The following POTEM variants were observed in gnomAD, a reference collection of about 807,000 sequenced individuals.
POTEM encodes POTE ankyrin domain family member M.
For missense variants in POTEM, 24 were observed against 343.0 expected, an observed-to-expected ratio of 0.07 and a Z score of 7.35; for synonymous variants, 8 against 113.2, an observed-to-expected ratio of 0.07 and a Z score of 5.90.
chr14:18,988,182 A>AT, intron 8 of POTEM, 73 bp from the exon 9 acceptor site: 1 of 418,778 alleles, frequency 2.4e-6, no homozygotes, highest in Non-Finnish European at 4.1e-6. Flanking sequence ...TGGTCAAGTG[A>AT]TAAAATCAAT....
At chr14:18,969,530 TGC>T (rs1890861828) in intron 1 of POTEM, among the ~76,000 whole-genome samples, 1 of 58,048 alleles carries the variant, frequency 1.7e-5, no homozygotes, top group Non-Finnish European at 3.1e-5. Flanking sequence ...TACAGGCGCC[TGC>T]CACCACGCCT....
At chr14:18,995,118 T>C (rs1477335897) in intron 9 of POTEM, among the ~76,000 whole-genome samples, 1 of 70,902 alleles carries the variant, frequency 1.4e-5, no homozygotes, top group African/African-American at 7.1e-5. Context: ...TTTCTTCCCA[T>C]TGTGTAGGTT....
intron 6 of POTEM, among the ~76,000 whole-genome samples, chr14:18,983,576 TCTTC>T (rs1891132383): frequency 3.4e-5 from 1 of 29,182 alleles, no homozygotes; most frequent in African/African-American, 2.0e-4. Context: ...ATTTTTGTGT[TCTTC>T]CTTTAAACAA....
intron 1 of POTEM, among the ~76,000 whole-genome samples, chr14:18,969,317 GTA>G (rs796722398): frequency 0.21 from 17,029 of 81,970 alleles, 467 homozygotes; most frequent in African/African-American, 0.3. Flanking sequence ...GTATATATAT[GTA>G]TATATATATA....
chr14:18,991,111 T>C (rs1891240514), intron 9 of POTEM, among the ~76,000 whole-genome samples: 1 of 127,814 alleles, frequency 7.8e-6, no homozygotes, highest in Non-Finnish European at 1.8e-5. Flanking sequence ...CTCAAACTCC[T>C]GATGTCAGGT....
In POTEM at chr14:18,985,903, CAAAAAA is replaced by C. The variant is rs1162516671; in HGVS notation, c.1197+443_1197+448del. 5.2e-4 allele frequency among the ~76,000 whole-genome samples: 36 copies of C among 68,914 alleles called. No homozygotes were observed. In the East Asian group the frequency reaches 6.3e-3, roughly 12 times the overall value. The allele number at this position is 68,914 out of a possible 152,430, so 45.2% of individuals were successfully genotyped here. A position where few individuals can be genotyped will look rare whatever the true frequency, so the allele number is the denominator to read the frequency against. ...TGGGTGACAGAGCAAGACTCTGTGT[CAAAAAA>C]AAAAAAAAAAAAAAAAAAAATATTT... On this transcript the variant is annotated intron_variant, in intron 7 of 10. Transcript: ENST00000547889.
chr14:18,969,345 A>G (rs1318271026), intron 1 of POTEM, among the ~76,000 whole-genome samples: 5 of 108,692 alleles, frequency 4.6e-5, no homozygotes, highest in South Asian at 2.8e-4. Flanking sequence ...GTATATACAT[A>G]TATATACATG....
intron 9 of POTEM, among the ~76,000 whole-genome samples, chr14:18,991,197 T>C (rs1891242674): frequency 8.1e-6 from 1 of 122,926 alleles, no homozygotes. Context: ...CCTGACTTTT[T>C]CTACTGTATA....
chr14:18,986,588 C>G, intron 7 of POTEM, among the ~76,000 whole-genome samples: 1 of 142,416 alleles, frequency 7.0e-6, no homozygotes, highest in East Asian at 2.0e-4. Context: ...AGCAGATAAT[C>G]TAGATACATA....
intron 1 of POTEM, among the ~76,000 whole-genome samples, chr14:18,969,309 A>ATG (rs1168970756): frequency 2.1e-5 from 1 of 47,272 alleles, no homozygotes; most frequent in Non-Finnish European, 4.7e-5. Flanking sequence ...GTATATACGT[A>ATG]TATATATGTA....
chr14:18,996,224 C>G (rs368101223), intron 9 of POTEM, among the ~76,000 whole-genome samples: 3 of 150,632 alleles, frequency 2.0e-5, no homozygotes, highest in East Asian at 1.9e-4. Context: ...TTTCACATCT[C>G]TCTCTCATAC....
intron 1 of POTEM, among the ~76,000 whole-genome samples, chr14:18,969,021 C>G (rs1890833547): frequency 6.7e-6 from 1 of 149,874 alleles, no homozygotes; most frequent in African/African-American, 2.5e-5. Flanking sequence ...AAATTGTTTA[C>G]TAACAGCTGA....
At position 18,993,094 on chromosome 14, in the gene POTEM, A is replaced by T. The variant is rs1229193060; in HGVS notation, c.1410-3947A>T. 6.7e-4 allele frequency among the ~76,000 whole-genome samples: 46 copies of T among 68,584 alleles called. 16 individuals carry two copies. In the South Asian group the frequency reaches 0.019, roughly 29 times the overall value. The allele number at this position is 68,584 out of a possible 152,430, so 45.0% of individuals were successfully genotyped here. A position where few individuals can be genotyped will look rare whatever the true frequency, so the allele number is the denominator to read the frequency against. On this transcript the variant is annotated intron_variant, in intron 9 of 10. Transcript: ENST00000547889. ...GTATTTTTAGTAGAGACGGGGTTTC[A>T]CCCTGTTGGTCAGGCTGGTCTCGAA...
chr14:18,991,115 G>A (rs1194427355), intron 9 of POTEM, among the ~76,000 whole-genome samples: 2 of 128,098 alleles, frequency 1.6e-5, no homozygotes, highest in African/African-American at 2.7e-5. Flanking sequence ...AACTCCTGAT[G>A]TCAGGTGATC....
intron 1 of POTEM, among the ~76,000 whole-genome samples, chr14:18,968,359 C>T (rs1159516602): frequency 6.6e-6 from 1 of 152,298 alleles, no homozygotes; most frequent in African/African-American, 2.4e-5. Context: ...AGAATGAAGC[C>T]CCATAACACA....
rs1490691633 is a variant in POTEM, at chr14:18,967,484, A to G, written c.-2A>G. On this transcript the variant is annotated 5_prime_UTR_variant, in exon 1 of 11. Transcript: ENST00000547889. ...CCGGCCTCCCCTGGCTGTTAAAAGC[A>G]GATGGTGGCTGAGGCTGGTTCAATG... is the stretch of plus-strand genomic sequence containing the variant. The G allele has an allele frequency of 7.2e-7, 1 of 1,389,282 alleles. No homozygotes were observed. Among genetic ancestry groups the G allele is most frequent in the Admixed American group, 1.9e-5 (1 of 53,310 alleles). The allele number at this position is 1,389,282 out of a possible 1,614,324, so 86.1% of individuals were successfully genotyped here. A position where few individuals can be genotyped will look rare whatever the true frequency, so the allele number is the denominator to read the frequency against.
At chr14:18,969,355 G>GTA (rs1208301683) in intron 1 of POTEM, among the ~76,000 whole-genome samples, 2 of 86,690 alleles carry the variant, frequency 2.3e-5, no homozygotes, top group African/African-American at 1.5e-4. Context: ...ATATATACAT[G>GTA]TGTATATATA....
chr14:18,986,316 C>T (rs1166665033), intron 7 of POTEM, among the ~76,000 whole-genome samples: 1 of 141,726 alleles, frequency 7.1e-6, no homozygotes, highest in Non-Finnish European at 1.5e-5. Context: ...TTTATATTGT[C>T]AGTCACTGAT....
At chr14:18,985,974 C>G (rs1891174039) in intron 7 of POTEM, among the ~76,000 whole-genome samples, 1 of 78,090 alleles carries the variant, frequency 1.3e-5, no homozygotes, top group East Asian at 2.4e-4. Flanking sequence ...ATTCAGCAAC[C>G]TTATTAAAAG....
Sources: gnomAD v4.1 joint callset for allele counts (sites outside exome capture counted in the v4.1 genomes callset) on GRCh38, gnomAD v4.1.1 for gene constraint, MANE v1.5 for transcripts, NCBI Gene and HGNC (gene_info 2026-07-23, HGNC 2026-07-21) for gene names.